Variants in CLNK observed in about 807,000 individuals in gnomAD.
CLNK encodes cytokine-dependent hematopoietic cell linker.
In CLNK, 74 loss-of-function variants were observed where a neutral mutation model predicts 68.6. That is an observed-to-expected ratio of 1.08 (90% CI 0.89 to 1.31). CLNK has a LOEUF of 1.31. Among genes scored for constraint, CLNK ranks in the 50% most tolerant of loss-of-function variants. The probability of loss-of-function intolerance (pLI) is 0.00; values close to 1 mark genes in which losing one functional copy is unlikely to be tolerated. For synonymous variants in CLNK, 198 were observed against 172.2 expected (o/e 1.15, Z -1.17); for missense variants, 553 against 515.3 (o/e 1.07, Z -0.71).
intron 15 of CLNK, among the ~76,000 whole-genome samples, chr4:10,514,314 A>G (rs1237910252): frequency 6.6e-6 from 1 of 151,860 alleles, no homozygotes; most frequent in Non-Finnish European, 1.5e-5. Context: ...TGCCGCAATA[A>G]ACATACGTGT....
At chr4:10,728,197 G>T in the CLNK span, among the ~76,000 whole-genome samples, 2 of 152,284 alleles carry the variant, frequency 1.3e-5, no homozygotes, top group Admixed American at 6.5e-5. Context: ...ATCCAGCCCT[G>T]AATGTCAGGA....
At chr4:10,560,505 A>G (rs1311082328) in intron 7 of CLNK, among the ~76,000 whole-genome samples, 1 of 152,158 alleles carries the variant, frequency 6.6e-6, no homozygotes, top group Non-Finnish European at 1.5e-5. Context: ...ATGCAGTGGC[A>G]TGATTTCAGC....
intron 2 of CLNK, among the ~76,000 whole-genome samples, chr4:10,606,790 AT>A (rs1721810245): frequency 6.6e-6 from 1 of 152,196 alleles, no homozygotes; most frequent in African/African-American, 2.4e-5. Flanking sequence ...ATCTATATCT[AT>A]ATATACACAC....
At chr4:10,686,603 G>A (rs1725283129), upstream of CLNK, among the ~76,000 whole-genome samples, 1 of 150,352 alleles carries the variant, frequency 6.7e-6, no homozygotes, top group Non-Finnish European at 1.5e-5. Context: ...CCAGCCTCCA[G>A]CCTTTTCCAG....
the CLNK span, among the ~76,000 whole-genome samples, chr4:10,730,904 T>C: frequency 6.6e-6 from 1 of 152,014 alleles, no homozygotes; most frequent in African/African-American, 2.4e-5. Context: ...CATGCACACA[T>C]ACACACACAC....
chr4:10,674,483 C>A (rs1405317010), intron 1 of CLNK, among the ~76,000 whole-genome samples: 12 of 152,234 alleles, frequency 7.9e-5, no homozygotes, highest in Admixed American at 7.9e-4. Context: ...GGTTGGAACT[C>A]TGTGCTTTCA....
the CLNK span, among the ~76,000 whole-genome samples, chr4:10,733,352 A>G: frequency 6.6e-6 from 1 of 152,122 alleles, no homozygotes; most frequent in Non-Finnish European, 1.5e-5. Context: ...GCCCGTTCAG[A>G]TCTTGTCCCC....
chr4:10,509,912 A>T (rs1246092674), intron 16 of CLNK, among the ~76,000 whole-genome samples: 1 of 151,960 alleles, frequency 6.6e-6, no homozygotes, highest in Non-Finnish European at 1.5e-5. Flanking sequence ...GCTCTGCCTC[A>T]CTCCAGCAAA....
chr4:10,696,391 C>A, the CLNK span, among the ~76,000 whole-genome samples: 1 of 152,202 alleles, frequency 6.6e-6, no homozygotes, highest in Non-Finnish European at 1.5e-5. Flanking sequence ...CTGATGTCTA[C>A]GCCTTAAGCT....
At chr4:10,559,547 G>C (rs192472125) in intron 7 of CLNK, among the ~76,000 whole-genome samples, 2 of 152,236 alleles carry the variant, frequency 1.3e-5, no homozygotes, top group East Asian at 3.9e-4. Flanking sequence ...CACAGAGGGA[G>C]TCTCTCTCAA....
At chr4:10,550,344 A>T (rs910716965) in intron 8 of CLNK, among the ~76,000 whole-genome samples, 1 of 151,700 alleles carries the variant, frequency 6.6e-6, no homozygotes. Context: ...AATACAACAC[A>T]ATTAGCCGGG....
chr4:10,601,881 A>G (rs1398329101), intron 2 of CLNK, among the ~76,000 whole-genome samples: 1 of 152,214 alleles, frequency 6.6e-6, no homozygotes, highest in African/African-American at 2.4e-5. Flanking sequence ...GAAACAACAC[A>G]GGCTAATTGA....
At position 10,565,738 on chromosome 4, in the gene CLNK, G is replaced by T. The variant is rs1577133373; in HGVS notation, c.292+271C>A. Among the ~76,000 whole-genome samples, 3 of 152,056 alleles carry T rather than the reference G, an allele frequency of 2.0e-5. No homozygotes were observed. In the South Asian group the frequency reaches 6.2e-4, roughly 31 times the overall value. On this transcript the variant is annotated intron_variant, in intron 6 of 18. Transcript: ENST00000226951. Reference sequence around the variant, plus strand: ...AACAGCTGAGAGTTACAGATCTCTGGCTTGGTACCAGGTCCTCTGGTGAGA... The same window carrying T: ...AACAGCTGAGAGTTACAGATCTCTGTCTTGGTACCAGGTCCTCTGGTGAGA...
intron 2 of CLNK, among the ~76,000 whole-genome samples, chr4:10,624,432 A>G (rs868817068): frequency 2.0e-5 from 3 of 152,162 alleles, no homozygotes; most frequent in Middle Eastern, 3.4e-3. Context: ...AGCTCGGACT[A>G]TAGGCGCCCG....
chr4:10,711,365 A>C, the CLNK span, among the ~76,000 whole-genome samples: 1 of 152,248 alleles, frequency 6.6e-6, no homozygotes, highest in Non-Finnish European at 1.5e-5. Context: ...TCAATCTCAC[A>C]GAAGACCTTC....
the CLNK span, among the ~76,000 whole-genome samples, chr4:10,729,451 C>G: frequency 2.7e-3 from 413 of 152,246 alleles, 3 homozygotes; most frequent in Admixed American, 3.1e-3. Context: ...ATTTGAAAAA[C>G]AGGCCCTCAC....
chr4:10,504,092 T>C (rs1717178077), intron 17 of CLNK, among the ~76,000 whole-genome samples: 1 of 148,204 alleles, frequency 6.7e-6, no homozygotes, highest in African/African-American at 2.5e-5. Flanking sequence ...ATTTGCAGGG[T>C]CTTTACATAA....
chr4:10,641,638 G>A (rs967288254), intron 2 of CLNK, among the ~76,000 whole-genome samples: 28 of 152,156 alleles, frequency 1.8e-4, no homozygotes, highest in African/African-American at 6.8e-4. Flanking sequence ...GAATGAATAA[G>A]TGAGTAAACA....
chr4:10,596,348 G>C (rs1325763990), intron 3 of CLNK, among the ~76,000 whole-genome samples: 1 of 152,204 alleles, frequency 6.6e-6, no homozygotes, highest in Non-Finnish European at 1.5e-5. Flanking sequence ...CTAAAACACA[G>C]GAGGTGTTGG....
Sources: allele counts gnomAD v4.1 joint callset (sites outside exome capture counted in the v4.1 genomes callset), GRCh38; gene constraint gnomAD v4.1.1; transcripts MANE v1.5; gene names NCBI Gene and HGNC (gene_info 2026-07-23, HGNC 2026-07-21).